Variants in SLC7A9 observed in about 807,000 individuals in gnomAD.
SLC7A9 encodes solute carrier family 7 member 9.
SLC7A9 carries 38 observed loss-of-function variants against 54.1 expected under a neutral mutation model. That is an observed-to-expected ratio of 0.70 (90% confidence interval 0.54 to 0.92). The LOEUF is 0.92. Among genes scored for constraint, SLC7A9 ranks in the 40% least tolerant of loss-of-function variants. The probability of loss-of-function intolerance (pLI) is 0.00; values close to 1 mark genes in which losing one functional copy is unlikely to be tolerated. For missense variants in SLC7A9, 537 were observed against 636.1 expected (o/e 0.84, Z 1.68); for synonymous variants, 264 against 258.9 (o/e 1.02, Z -0.19).
At chr19:32,866,176 G>C (rs973358607) in intron 2 of SLC7A9, among the ~76,000 whole-genome samples, 2 of 152,140 alleles carry the variant, frequency 1.3e-5, no homozygotes, top group Admixed American at 1.3e-4. Flanking sequence ...GCTCCCAGCT[G>C]CAGGCTGCCA....
chr19:32,856,078 G>A (rs2145833149), intron 9 of SLC7A9, among the ~76,000 whole-genome samples: 1 of 152,270 alleles, frequency 6.6e-6, no homozygotes, highest in South Asian at 2.1e-4. Flanking sequence ...GGCAAAAGGG[G>A]AAATGTTGGT....
intron 1 of SLC7A9, 30 bp downstream of exon 1, chr19:32,869,656 G>A (rs1056203841): frequency 2.0e-5 from 3 of 152,252 alleles, no homozygotes; most frequent in Admixed American, 6.5e-5. Flanking sequence ...AGAGCCATGA[G>A]CCTTTCTATC....
At chr19:32,857,423 G>A (rs1283978090) in intron 9 of SLC7A9, among the ~76,000 whole-genome samples, 6 of 152,232 alleles carry the variant, frequency 3.9e-5, no homozygotes, top group East Asian at 3.9e-4. Flanking sequence ...CAGCCTGGGC[G>A]ACAGAGTGAG....
At chr19:32,834,735 G>A (rs1967907202) in intron 11 of SLC7A9, among the ~76,000 whole-genome samples, 1 of 152,140 alleles carries the variant, frequency 6.6e-6, no homozygotes, top group Non-Finnish European at 1.5e-5. Flanking sequence ...AGTTTGCTGG[G>A]ATTGTTTTGT....
intron 8 of SLC7A9, 93 bp from the exon 9 acceptor site, chr19:32,858,636 A>T: frequency 1.0e-6 from 1 of 960,176 alleles, no homozygotes; most frequent in Non-Finnish European, 1.6e-6. Context: ...CAGGGGACCC[A>T]GGGACCCACC....
chr19:32,859,235 C>G (rs369378491), intron 8 of SLC7A9, among the ~76,000 whole-genome samples: 7 of 152,128 alleles, frequency 4.6e-5, no homozygotes, highest in African/African-American at 1.7e-4. Flanking sequence ...GTAGCTGAGA[C>G]CACAGGCACT....
intron 2 of SLC7A9, among the ~76,000 whole-genome samples, chr19:32,866,876 A>C (rs565325668): frequency 8.4e-4 from 128 of 152,286 alleles, no homozygotes; most frequent in Non-Finnish European, 1.4e-3. Context: ...TGGAAGCGGA[A>C]GCCATCCTGA....
At chr19:32,860,534 G>A (rs1968767727) in intron 7 of SLC7A9, 72 bp downstream of exon 7, 30 of 1,612,426 alleles carry the variant, frequency 1.9e-5, no homozygotes, top group East Asian at 1.8e-4. Flanking sequence ...CAGGGAAATA[G>A]CTCCAGCCTT....
At chr19:32,840,110 G>A (rs527739541) in intron 11 of SLC7A9, among the ~76,000 whole-genome samples, 1 of 152,080 alleles carries the variant, frequency 6.6e-6, no homozygotes, top group South Asian at 2.1e-4. Flanking sequence ...ACTTCTGTCT[G>A]ATATTTGTTT....
rs1555785026 is a variant in SLC7A9, at chr19:32,861,814, T to TA, written c.704+303dup. 3.3e-5 allele frequency among the ~76,000 whole-genome samples: 5 copies of TA among 151,928 alleles called. No individual in the cohort carries two copies. In the South Asian group the frequency reaches 1.0e-3, roughly 32 times the overall value. The stretch of plus-strand genomic sequence containing the variant: ...TGGGTGACCAAGTGAGATCCTGTCT[T>TA]AAAAAAACAAAACAAAACAAAACAG... On this transcript the variant is annotated intron_variant, in intron 6 of 12. Coordinates refer to ENST00000023064, the MANE Select transcript of SLC7A9 (RefSeq NM_014270.5).
At chr19:32,854,981 T>G (rs1231400562) in intron 9 of SLC7A9, among the ~76,000 whole-genome samples, 5 of 152,226 alleles carry the variant, frequency 3.3e-5, no homozygotes, top group African/African-American at 1.2e-4. Context: ...GAAATCCACA[T>G]GTCAGGTGTC....
chr19:32,837,741 G>A (rs1208954559), intron 11 of SLC7A9, among the ~76,000 whole-genome samples: 1 of 152,082 alleles, frequency 6.6e-6, no homozygotes, highest in East Asian at 1.9e-4. Context: ...GTGGCTTTCA[G>A]TACGCCTACA....
intron 3 of SLC7A9, 126 bp from the exon 4 acceptor site, chr19:32,864,464 G>A (rs1427574957): frequency 9.3e-6 from 14 of 1,505,974 alleles, no homozygotes; most frequent in Admixed American, 5.2e-5. Context: ...CTCGCTGGAC[G>A]GCCCTGAGCT....
chr19:32,840,249 T>G (rs1231290131), intron 11 of SLC7A9, among the ~76,000 whole-genome samples: 1 of 152,180 alleles, frequency 6.6e-6, no homozygotes, highest in Non-Finnish European at 1.5e-5. Context: ...CTTGGCTCAC[T>G]GCAGCCTTGA....
At chr19:32,844,512 C>G (rs1246895496) in intron 9 of SLC7A9, among the ~76,000 whole-genome samples, 1 of 151,968 alleles carries the variant, frequency 6.6e-6, no homozygotes, top group East Asian at 1.9e-4. Flanking sequence ...TCTGGCTAAC[C>G]AGAATTTCTT....
At chr19:32,862,879 C>T (rs532838913) in intron 4 of SLC7A9, 5 of 204,652 alleles carry the variant, frequency 2.4e-5, no homozygotes, top group East Asian at 1.4e-4. Flanking sequence ...GAGGTTCTAG[C>T]GGGGGAGCGC....
At chr19:32,840,815 C>T (rs1379711086) in intron 11 of SLC7A9, among the ~76,000 whole-genome samples, 1 of 152,172 alleles carries the variant, frequency 6.6e-6, no homozygotes, top group Non-Finnish European at 1.5e-5. Flanking sequence ...CCTCGTTCCA[C>T]GTGCGCCCTC....
At position 32,864,663 on chromosome 19, in the gene SLC7A9, G is replaced by A. The variant is rs371635071; in HGVS notation, c.201C>T (p.Ile67=). 26 of 1,613,996 alleles carry A rather than the reference G, an allele frequency of 1.6e-5. No homozygotes were observed. Among genetic ancestry groups the A allele is most frequent in the Non-Finnish European group, 1.9e-5 (23 of 1,180,044 alleles). Residue 67 remains isoleucine, a synonymous_variant, in exon 3 of 13, where the codon ATC becomes ATT. Transcript: ENST00000023064. The stretch of plus-strand genomic sequence containing the variant: ...CGAGGACCCCGCAAGCCGCCCATAT[G>A]ATGAGGCAGGGCCCCACAGCTTCCG... The part of the protein sequence containing the change: ...SNTEAVGPCL[I]IWAACGVLAT...
At chr19:32,859,767 C>T in intron 8 of SLC7A9, 74 bp downstream of exon 8, 1 of 1,257,726 alleles carries the variant, frequency 8.0e-7, no homozygotes, top group East Asian at 2.3e-5. Flanking sequence ...GGGAGCTCAC[C>T]TCCAGTGCTG....
Sources: allele counts gnomAD v4.1 joint callset (sites outside exome capture counted in the v4.1 genomes callset), GRCh38; gene constraint gnomAD v4.1.1; transcripts MANE v1.5; gene names NCBI Gene and HGNC (gene_info 2026-07-23, HGNC 2026-07-21).